Variants in ABLIM1 observed in about 807,000 individuals in gnomAD.
The protein encoded by ABLIM1 is actin-binding LIM protein 1.
Under a neutral mutation model 107.0 loss-of-function variants are expected in ABLIM1, and 40 were observed. The ratio of observed to expected loss-of-function variants is 0.37; its 90% CI spans 0.29 to 0.49. The LOEUF (loss-of-function observed/expected upper bound fraction) is 0.49. Ranked by LOEUF, ABLIM1 falls within the 20% of genes least tolerant of loss-of-function variation. The pLI, the probability that ABLIM1 is intolerant of heterozygous loss-of-function variation, is 0.97. For synonymous variants in ABLIM1, 357 were observed against 357.3 expected (o/e 1.00, Z 0.01); for missense variants, 857 against 1,008.5 (o/e 0.85, Z 2.04).
chr10:114,711,787 C>A (rs1045464332), intron 1 of ABLIM1, among the ~76,000 whole-genome samples: 1 of 152,026 alleles, frequency 6.6e-6, no homozygotes, highest in Non-Finnish European at 1.5e-5. Flanking sequence ...AGACAGACAA[C>A]CAACAGTGAC....
rs796789675 is a variant in ABLIM1, at chr10:114,592,427, CT to C, written c.379+9399del. ...CAGGAAGAAAATGGTGGGAGATGAG[CT>C]CAGAGAGTAACAGTGGGGAGGGGAT... On this transcript the variant is annotated intron_variant, in intron 2 of 22. Coordinates refer to ENST00000533213, the MANE Select transcript of ABLIM1 (RefSeq NM_002313.7). 5.9e-5 allele frequency among the ~76,000 whole-genome samples: 9 copies of C among 152,180 alleles called. No individual in the cohort carries two copies. In the South Asian group the frequency reaches 1.0e-3, roughly 18 times the overall value.
chr10:114,619,304 C>G lies in ABLIM1; in HGVS notation c.245-17343G>C, dbSNP rs142318937. Among the ~76,000 whole-genome samples, 117 of 151,464 alleles carry G rather than the reference C, an allele frequency of 7.7e-4. No homozygotes were observed. The highest frequency in any genetic ancestry group is 2.6e-3 in the African/African-American group (106 of 41,232). Reference sequence around the variant, plus strand: ...GTCCACCTCCCAGGTTCAAGCAATTCTCCTGCCTCAGCCTCCCGAGCAGCT... The same window carrying G: ...GTCCACCTCCCAGGTTCAAGCAATTGTCCTGCCTCAGCCTCCCGAGCAGCT... On this transcript the variant is annotated intron_variant, in intron 1 of 22. Coordinates refer to ENST00000533213, the MANE Select transcript of ABLIM1 (RefSeq NM_002313.7). The surrounding 1 kb of genome is among the most constrained non-coding windows in gnomAD (Gnocchi z 4.1).
At chr10:114,673,279 A>C (rs1035165207) in intron 1 of ABLIM1, among the ~76,000 whole-genome samples, 1 of 152,022 alleles carries the variant, frequency 6.6e-6, no homozygotes. Flanking sequence ...AACAAAAAAA[A>C]AACAAAACTC....
intron 1 of ABLIM1, among the ~76,000 whole-genome samples, chr10:114,701,209 A>G (rs1453131169): frequency 2.6e-5 from 4 of 152,228 alleles, no homozygotes; most frequent in Admixed American, 2.6e-4. Context: ...ATTAGCCATG[A>G]GGTAAATGCA....
rs1198483925 is a variant in ABLIM1 at position 114,707,082 on chromosome 10, T to C, written c.-213+60979A>G. On this transcript the variant is annotated intron_variant, in intron 1 of 15. Transcript: ENST00000651092. This position sits in a 1 kb window ranked among gnomAD's most constrained non-coding sequence, Gnocchi z 4.1. ...GGTAAAAAGAAACAGGTAAAATTAATTTTAAGATTTTTAAGATTTTTATTT... is the reference window on the plus strand; with the variant it reads ...GGTAAAAAGAAACAGGTAAAATTAACTTTAAGATTTTTAAGATTTTTATTT... 6.6e-6 allele frequency among the ~76,000 whole-genome samples: 1 copy of C among 152,160 alleles called. No individual in the cohort carries two copies. The highest frequency in any genetic ancestry group is 1.9e-4 in the East Asian group (1 of 5,196).
chr10:114,500,660 C>G lies in ABLIM1; in HGVS notation c.895-8782G>C, dbSNP rs115206290. Among the ~76,000 whole-genome samples the G allele has an allele frequency of 5.3e-3, 629 of 118,060 alleles. 7 individuals carry two copies. The highest frequency in any genetic ancestry group is 0.02 in the African/African-American group (601 of 30,334). 77.5% of individuals were successfully genotyped at this position (118,060 alleles called of 152,430 possible). ...CACCACTGCACTCCAGCCCAGGTGACAGAGGAAGACCTTGTGTCGAAAGAA... is the reference window on the plus strand; with the variant it reads ...CACCACTGCACTCCAGCCCAGGTGAGAGAGGAAGACCTTGTGTCGAAAGAA... On this transcript the variant is annotated intron_variant, in intron 6 of 22. Coordinates refer to ENST00000533213, the MANE Select transcript of ABLIM1 (RefSeq NM_002313.7).
At chr10:114,782,265 T>C in the ABLIM1 span, among the ~76,000 whole-genome samples, 44 of 152,322 alleles carry the variant, frequency 2.9e-4, 1 homozygote, top group African/African-American at 1.1e-3. Flanking sequence ...TATTTATTCC[T>C]ATTAGATAAA....
At chr10:114,788,773 G>T in the ABLIM1 span, among the ~76,000 whole-genome samples, 1 of 151,336 alleles carries the variant, frequency 6.6e-6, no homozygotes, top group Non-Finnish European at 1.5e-5. Context: ...AACCTCATAG[G>T]CTTGCCAGAT....
At chr10:114,603,183 T>G (rs2076155536) in intron 1 of ABLIM1, among the ~76,000 whole-genome samples, 1 of 152,194 alleles carries the variant, frequency 6.6e-6, no homozygotes, top group African/African-American at 2.4e-5. Flanking sequence ...TGGGCAGATA[T>G]TGCTGAAACT....
At chr10:114,504,651 G>A (rs571395874) in intron 6 of ABLIM1, among the ~76,000 whole-genome samples, 1 of 152,068 alleles carries the variant, frequency 6.6e-6, no homozygotes, top group Non-Finnish European at 1.5e-5. Flanking sequence ...GATTTTTGAC[G>A]TGTTATAAGG....
At chr10:114,623,458 T>C (rs1356409365) in intron 1 of ABLIM1, among the ~76,000 whole-genome samples, 1 of 152,200 alleles carries the variant, frequency 6.6e-6, no homozygotes, top group Non-Finnish European at 1.5e-5. Context: ...AGTGATGTTC[T>C]TTACCTTCTT....
chr10:114,483,913 G>C (rs991457185), intron 8 of ABLIM1, among the ~76,000 whole-genome samples: 1 of 152,088 alleles, frequency 6.6e-6, no homozygotes, highest in South Asian at 2.1e-4. Context: ...CCCTAAAGAC[G>C]GTCAGGTACA....
chr10:114,639,599 G>C (rs2078642986), intron 1 of ABLIM1, among the ~76,000 whole-genome samples: 1 of 152,206 alleles, frequency 6.6e-6, no homozygotes, highest in Admixed American at 6.5e-5. Context: ...CGTTCCACTT[G>C]TGAGGTTGTG....
At chr10:114,441,640 G>C in intron 18 of ABLIM1, 82 bp downstream of exon 18, 1 of 1,286,594 alleles carries the variant, frequency 7.8e-7, no homozygotes, top group South Asian at 1.2e-5. Flanking sequence ...AGAGTCAGAC[G>C]TATTCAGGCA....
chr10:114,747,523 T>C (rs985269430), intron 1 of ABLIM1, among the ~76,000 whole-genome samples: 2 of 152,048 alleles, frequency 1.3e-5, no homozygotes, highest in Non-Finnish European at 2.9e-5. Flanking sequence ...CCAGAGGCAA[T>C]GGGGAGTTGT....
intron 1 of ABLIM1, among the ~76,000 whole-genome samples, chr10:114,677,447 A>G (rs1482261393): frequency 2.6e-5 from 4 of 152,102 alleles, no homozygotes; most frequent in Non-Finnish European, 4.4e-5. Context: ...CTACACTCCA[A>G]ACTCTTCTGT....
chr10:114,609,923 G>A (rs2076693715), intron 1 of ABLIM1, among the ~76,000 whole-genome samples: 1 of 152,172 alleles, frequency 6.6e-6, no homozygotes, highest in East Asian at 1.9e-4. Context: ...AGGCTAAGAA[G>A]AGTTAAAAAC....
At chr10:114,575,382 A>G (rs771892871) in intron 3 of ABLIM1, 34 bp downstream of exon 3, 6 of 1,601,370 alleles carry the variant, frequency 3.7e-6, no homozygotes, top group Admixed American at 3.4e-5. Flanking sequence ...CTGTTGGAGG[A>G]AGGTGTAGGC....
intron 3 of ABLIM1, among the ~76,000 whole-genome samples, chr10:114,572,382 A>G (rs2071821137): frequency 6.6e-6 from 1 of 152,252 alleles, no homozygotes; most frequent in African/African-American, 2.4e-5. Flanking sequence ...GTTGCCCCTC[A>G]GTAGCCTAAC....
Sources: gnomAD v4.1 joint callset for allele counts (sites outside exome capture counted in the v4.1 genomes callset) on GRCh38, gnomAD v4.1.1 for gene constraint, Gnocchi (gnomAD v3.1) non-coding constraint, MANE v1.5 for transcripts, NCBI Gene and HGNC (gene_info 2026-07-23, HGNC 2026-07-21) for gene names.